ELF1: variants seen among roughly 807,000 people sequenced by gnomAD.
ELF1 encodes the protein ETS-related transcription factor Elf-1.
ELF1 carries 24 observed loss-of-function variants against 59.9 expected under a neutral mutation model. The observed-to-expected ratio is 0.40, with a 90% CI of 0.29 to 0.56. The LOEUF is 0.56. Among genes scored for constraint, ELF1 ranks in the 20% least tolerant of loss-of-function variants. The pLI is 0.44. For synonymous variants in ELF1, 248 were observed against 266.2 expected, an observed-to-expected ratio of 0.93 and a Z score of 0.67; for missense variants, 627 against 742.2, an observed-to-expected ratio of 0.84 and a Z score of 1.80.
chr13:41,051,932 CTCTT>C (rs1272564495), intron 1 of ELF1, among the ~76,000 whole-genome samples: 3 of 143,388 alleles, frequency 2.1e-5, no homozygotes, highest in Non-Finnish European at 3.0e-5. Flanking sequence ...CTTTCTTTTT[CTCTT>C]TTTTTTTTTT....
intron 1 of ELF1, among the ~76,000 whole-genome samples, chr13:41,046,696 T>TTTTC (rs1205244054): frequency 6.6e-6 from 1 of 152,184 alleles, no homozygotes; most frequent in Non-Finnish European, 1.5e-5. Context: ...AACCCGACCT[T>TTTTC]TTTCTCTGGC....
intron 8 of ELF1, among the ~76,000 whole-genome samples, chr13:40,939,520 C>T (rs1254624965): frequency 2.0e-5 from 3 of 152,118 alleles, no homozygotes; most frequent in Non-Finnish European, 2.9e-5. Context: ...GCCTAGAAAC[C>T]AATGGGAGGA....
At chr13:40,977,476 A>T (rs1379898104) in intron 2 of ELF1, among the ~76,000 whole-genome samples, 1 of 152,092 alleles carries the variant, frequency 6.6e-6, no homozygotes, top group African/African-American at 2.4e-5. Context: ...AGTGCCAAGC[A>T]ATTCTGGAAA....
intron 1 of ELF1, among the ~76,000 whole-genome samples, chr13:41,015,382 C>A (rs1875301399): frequency 6.6e-6 from 1 of 151,762 alleles, no homozygotes; most frequent in African/African-American, 2.4e-5. Context: ...GGGAAAGGAG[C>A]CCAAATGGGT....
intron 2 of ELF1, among the ~76,000 whole-genome samples, chr13:40,967,147 G>A (rs957474920): frequency 6.6e-6 from 1 of 152,146 alleles, no homozygotes; most frequent in African/African-American, 2.4e-5. Flanking sequence ...ACTGCTTTGA[G>A]GACTTCTGAA....
At chr13:40,961,259 T>A (rs1871799903) in intron 2 of ELF1, among the ~76,000 whole-genome samples, 1 of 152,238 alleles carries the variant, frequency 6.6e-6, no homozygotes, top group African/African-American at 2.4e-5. Flanking sequence ...TGGTTAATAA[T>A]CCTAAAACAC....
intron 5 of ELF1, 137 bp from the exon 6 acceptor site, chr13:40,944,062 A>T: frequency 1.4e-6 from 1 of 707,440 alleles, no homozygotes; most frequent in South Asian, 2.1e-5. Flanking sequence ...AGGTCTCTTA[A>T]AATGCTGTTT....
At chr13:41,000,666 A>C (rs1438520645) in intron 1 of ELF1, among the ~76,000 whole-genome samples, 1 of 152,196 alleles carries the variant, frequency 6.6e-6, no homozygotes, top group Non-Finnish European at 1.5e-5. Context: ...ACATCCAGGA[A>C]TTGTACAATA....
At chr13:41,005,051 T>C (rs754641556) in intron 1 of ELF1, among the ~76,000 whole-genome samples, 14 of 152,192 alleles carry the variant, frequency 9.2e-5, no homozygotes, top group Non-Finnish European at 1.3e-4. Context: ...GAGTAAGATA[T>C]GGCACACAAA....
At chr13:41,017,082 C>A (rs1875449981) in intron 1 of ELF1, among the ~76,000 whole-genome samples, 1 of 147,766 alleles carries the variant, frequency 6.8e-6, no homozygotes, top group African/African-American at 2.5e-5. Flanking sequence ...TTAAAATAAG[C>A]AGTCATGAAC....
At chr13:40,947,715 A>G (rs1398481920) in intron 5 of ELF1, among the ~76,000 whole-genome samples, 1 of 152,202 alleles carries the variant, frequency 6.6e-6, no homozygotes, top group African/African-American at 2.4e-5. Flanking sequence ...GCCATACAAG[A>G]TTTCCTCAGA....
At chr13:40,954,592 C>G (rs1309947509) in intron 3 of ELF1, among the ~76,000 whole-genome samples, 1 of 151,960 alleles carries the variant, frequency 6.6e-6, no homozygotes, top group East Asian at 1.9e-4. Context: ...CGATTGCAGG[C>G]GCGCGCCGCC....
rs556928169 is a variant in ELF1, at chr13:40,992,961, TTCTGTTCTTTCTTTAAG to T, written c.-228-10696_-228-10680del. On this transcript the variant is annotated intron_variant, in intron 1 of 8. Transcript: ENST00000239882. ...TCTCTTTTCTTTGATTACTTTTTTG[TTCTGTTCTTTCTTTAAG>T]TCTTCACAGGCAATCCAGAAAAGTA... The T allele has an allele frequency of 6.8e-4, 611 of 897,122 alleles. 3 individuals carry two copies. The African/African-American group carries it at 9.2e-3, about 14-fold the overall frequency. 55.6% of individuals were successfully genotyped at this position (897,122 alleles called of 1,614,324 possible). A position where few individuals can be genotyped will look rare whatever the true frequency, so the allele number is the denominator to read the frequency against.
intron 8 of ELF1, among the ~76,000 whole-genome samples, chr13:40,938,590 T>C (rs1869935706): frequency 6.6e-6 from 1 of 152,224 alleles, no homozygotes; most frequent in African/African-American, 2.4e-5. Flanking sequence ...TTGCTTCAGT[T>C]TCCACATCTA....
chr13:40,934,272 A>C (rs560509906), intron 8 of ELF1, among the ~76,000 whole-genome samples: 3 of 152,210 alleles, frequency 2.0e-5, no homozygotes, highest in Non-Finnish European at 4.4e-5. Flanking sequence ...TATGGAAGAA[A>C]GGTCTGTACA....
At chr13:41,030,934 G>C (rs983010656) in intron 1 of ELF1, among the ~76,000 whole-genome samples, 5 of 151,894 alleles carry the variant, frequency 3.3e-5, no homozygotes, top group Admixed American at 6.6e-5. Flanking sequence ...ACTGAAGCAG[G>C]TGAATCACTT....
chr13:40,976,969 G>A (rs1346412880), intron 2 of ELF1, among the ~76,000 whole-genome samples: 1 of 151,896 alleles, frequency 6.6e-6, no homozygotes, highest in Non-Finnish European at 1.5e-5. Context: ...TGTTCCACAT[G>A]TTCATTTTTT....
At chr13:41,005,206 A>G (rs1874669674) in intron 1 of ELF1, among the ~76,000 whole-genome samples, 1 of 152,294 alleles carries the variant, frequency 6.6e-6, no homozygotes, top group African/African-American at 2.4e-5. Context: ...CCAATAAAAA[A>G]GTATTTTGGT....
upstream of ELF1, among the ~76,000 whole-genome samples, chr13:41,021,062 C>G (rs143214009): frequency 2.0e-3 from 305 of 152,174 alleles, 8 homozygotes; most frequent in East Asian, 0.045. Context: ...GTAATATTCC[C>G]TAAGTATATT....
Sources: allele counts gnomAD v4.1 joint callset (sites outside exome capture counted in the v4.1 genomes callset), GRCh38; gene constraint gnomAD v4.1.1; transcripts MANE v1.5; gene names NCBI Gene and HGNC (gene_info 2026-07-23, HGNC 2026-07-21).